WWOX: variants seen among roughly 807,000 people sequenced by gnomAD.
WWOX encodes WW domain-containing oxidoreductase.
A neutral mutation model predicts 46.2 loss-of-function variants in WWOX; 69 were observed. The observed-to-expected ratio is 1.49, with a 90% CI of 1.23 to 1.82. The LOEUF (loss-of-function observed/expected upper bound fraction) is 1.82, where lower values mean the gene tolerates loss of function less well. Among genes scored for constraint, WWOX ranks in the 40% most tolerant of loss-of-function variants. WWOX has a pLI of 0.00. For missense variants in WWOX, 919 were observed against 542.6 expected (o/e 1.69, Z -6.89); for synonymous variants, 359 against 202.6 (o/e 1.77, Z -6.56).
chr16:78,466,676 C>T (rs1013938662), intron 8 of WWOX, among the ~76,000 whole-genome samples: 1 of 151,982 alleles, frequency 6.6e-6, no homozygotes, highest in Admixed American at 6.6e-5. Flanking sequence ...CTATAAACTC[C>T]GTCTCTACTA....
At chr16:78,457,784 C>T (rs529884295) in intron 8 of WWOX, among the ~76,000 whole-genome samples, 32 of 151,854 alleles carry the variant, frequency 2.1e-4, no homozygotes, top group African/African-American at 6.0e-4. Flanking sequence ...GGCGTGGTGG[C>T]GGGCGCCTGT....
chr16:78,652,432 GAAAA>G (rs2046988024), intron 8 of WWOX, among the ~76,000 whole-genome samples: 2 of 136,358 alleles, frequency 1.5e-5, no homozygotes, highest in African/African-American at 2.8e-5. Flanking sequence ...AAAAAAAAAA[GAAAA>G]AGAAAAAGGT....
intron 5 of WWOX, among the ~76,000 whole-genome samples, chr16:78,352,954 T>A (rs1165655947): frequency 6.6e-6 from 1 of 152,222 alleles, no homozygotes; most frequent in Non-Finnish European, 1.5e-5. Flanking sequence ...CTTTAATGAT[T>A]TTTTAAAAAT....
chr16:78,230,721 G>T (rs1443125970), intron 5 of WWOX, among the ~76,000 whole-genome samples: 1 of 152,194 alleles, frequency 6.6e-6, no homozygotes, highest in Non-Finnish European at 1.5e-5. Context: ...AGTGTGAAAG[G>T]GAAGGCAAAT....
In WWOX at chr16:78,116,876, T is replaced by G. The variant is rs1567580278; in HGVS notation, c.409+1722T>G. ...AAGATATGTGACTACTGATTGTTTT[T>G]TGTGTTAAGTGTTCGAACTGCTCCA... On this transcript the variant is annotated intron_variant, in intron 4 of 8. Transcript: ENST00000566780. 1.4e-4 allele frequency among the ~76,000 whole-genome samples: 21 copies of G among 152,222 alleles called. 1 individual carries two copies.
chr16:78,571,122 G>C (rs2044706064), intron 8 of WWOX, among the ~76,000 whole-genome samples: 1 of 152,208 alleles, frequency 6.6e-6, no homozygotes, highest in African/African-American at 2.4e-5. Context: ...GTTACTTACA[G>C]TAGAAGAGAA....
At chr16:79,084,515 G>A (rs2150587525) in intron 8 of WWOX, among the ~76,000 whole-genome samples, 1 of 152,240 alleles carries the variant, frequency 6.6e-6, no homozygotes, top group East Asian at 1.9e-4. Flanking sequence ...CTGCAACCCA[G>A]GTTCAGTCGA....
intron 8 of WWOX, among the ~76,000 whole-genome samples, chr16:78,778,945 C>T (rs77050443): frequency 0.053 from 8,083 of 152,220 alleles, 332 homozygotes; most frequent in Non-Finnish European, 0.082. Context: ...CACCCCTTGG[C>T]AATAATCTGT....
chr16:78,235,941 A>G (rs2037422752), intron 5 of WWOX, among the ~76,000 whole-genome samples: 1 of 152,220 alleles, frequency 6.6e-6, no homozygotes, highest in Admixed American at 6.5e-5. Context: ...AAAGGGCTGG[A>G]TAGTCAATAT....
intron 8 of WWOX, among the ~76,000 whole-genome samples, chr16:78,626,114 A>T (rs1477662857): frequency 6.6e-6 from 1 of 151,876 alleles, no homozygotes; most frequent in African/African-American, 2.4e-5. Context: ...GAGCCCATCC[A>T]GGATACCACT....
Position 78,578,630 on chromosome 16 carries a change from C to G in WWOX, c.1056+145878C>G, listed in dbSNP as rs537220277. ...ACACAAACATACACACACGCACACA[C>G]CAAATTTAAAAAGACAGATACATAG... On this transcript the variant is annotated intron_variant, in intron 8 of 8. Transcript: ENST00000566780. 3.9e-5 allele frequency among the ~76,000 whole-genome samples: 6 copies of G among 151,958 alleles called. No individual in the cohort carries two copies. In the South Asian group the frequency reaches 1.3e-3, roughly 32 times the overall value.
At chr16:78,889,135 C>A (rs1312246601) in intron 8 of WWOX, among the ~76,000 whole-genome samples, 2 of 152,136 alleles carry the variant, frequency 1.3e-5, no homozygotes, top group Non-Finnish European at 2.9e-5. Context: ...TGTGTCCCAC[C>A]CTTCAGGAAT....
chr16:78,814,924 C>G (rs549945965), intron 8 of WWOX, among the ~76,000 whole-genome samples: 4 of 152,308 alleles, frequency 2.6e-5, no homozygotes, highest in African/African-American at 9.6e-5. Context: ...GGCCTGGAAG[C>G]TGACCATAGT....
At chr16:78,316,112 G>A (rs75071946) in intron 5 of WWOX, among the ~76,000 whole-genome samples, 2,824 of 152,056 alleles carry the variant, frequency 0.019, 105 homozygotes, top group African/African-American at 0.065. Flanking sequence ...AGGCATGTTA[G>A]CATGCACCTG....
chr16:78,888,956 TG>T (rs1461116982), intron 8 of WWOX, among the ~76,000 whole-genome samples: 1 of 132,422 alleles, frequency 7.6e-6, no homozygotes, highest in African/African-American at 4.4e-5. Context: ...AATCTCCCCC[TG>T]ATGCCCTTAG....
chr16:78,361,141 A>G (rs1245646848), intron 5 of WWOX, among the ~76,000 whole-genome samples: 1 of 151,934 alleles, frequency 6.6e-6, no homozygotes. Flanking sequence ...TCAGTCTTTG[A>G]TAGTTGCTTA....
chr16:78,587,053 C>T (rs1405820454), intron 8 of WWOX, among the ~76,000 whole-genome samples: 1 of 152,002 alleles, frequency 6.6e-6, no homozygotes, highest in Non-Finnish European at 1.5e-5. Flanking sequence ...AGAGATAAAG[C>T]CTCACCCTGT....
In WWOX at chr16:78,202,812, G is replaced by GTT. The variant is rs34111953; in HGVS notation, c.516+38535_516+38536dup. ...TTTTGTTTTTTTCATTGCCTGGTGG[G>GTT]TTTTTTTTTTTTTGTCTTTTTAAAT... On this transcript the variant is annotated intron_variant, in intron 5 of 8. Coordinates refer to ENST00000566780, the MANE Select transcript of WWOX (RefSeq NM_016373.4). 6.4e-3 allele frequency among the ~76,000 whole-genome samples: 900 copies of GTT among 139,996 alleles called. 26 individuals are homozygous for GTT. The East Asian group carries it at 0.088, about 14-fold the overall frequency. 91.8% of individuals were successfully genotyped at this position (139,996 alleles called of 152,430 possible). A position where few individuals can be genotyped will look rare whatever the true frequency, so the allele number is the denominator to read the frequency against.
Position 78,322,978 on chromosome 16 carries a change from T to G in WWOX, c.517-63882T>G, listed in dbSNP as rs77302012. ...TTACAAGCCCTACAAACACTGGCAT[T>G]GGGTTAGGTTTGGATGATGGGCCAT... On this transcript the variant is annotated intron_variant, in intron 5 of 8. Transcript: ENST00000566780. Among the ~76,000 whole-genome samples, 1,255 of 152,262 alleles carry G rather than the reference T, an allele frequency of 8.2e-3. 21 individuals are homozygous for G. The highest frequency in any genetic ancestry group is 8.5e-3 in the Non-Finnish European group (576 of 68,004).
Sources: allele counts gnomAD v4.1 joint callset (sites outside exome capture counted in the v4.1 genomes callset), GRCh38; gene constraint gnomAD v4.1.1; transcripts MANE v1.5; gene names NCBI Gene and HGNC (gene_info 2026-07-23, HGNC 2026-07-21).